ARHGEF7: variants seen among roughly 807,000 people sequenced by gnomAD.
ARHGEF7 encodes Rho guanine nucleotide exchange factor 7, also known as PAK-interacting exchange factor beta.
A neutral mutation model predicts 109.8 loss-of-function variants in ARHGEF7; 33 were observed. That is an observed-to-expected ratio of 0.30 (90% CI 0.23 to 0.40). The LOEUF is 0.40. ARHGEF7 is among the 10% of genes least tolerant of loss of function. The probability of loss-of-function intolerance (pLI) is 1.00; values close to 1 mark genes in which losing one functional copy is unlikely to be tolerated. For synonymous variants in ARHGEF7, 458 were observed against 424.6 expected, an observed-to-expected ratio of 1.08 and a Z score of -0.97; for missense variants, 938 against 1,098.5, an observed-to-expected ratio of 0.85 and a Z score of 2.07.
chr13:111,175,818 G>T (rs1228469252), intron 2 of ARHGEF7, among the ~76,000 whole-genome samples: 1 of 152,202 alleles, frequency 6.6e-6, no homozygotes, highest in Non-Finnish European at 1.5e-5. Flanking sequence ...AAGGAGAAAG[G>T]TTTAATTTAC....
intron 18 of ARHGEF7, among the ~76,000 whole-genome samples, chr13:111,289,778 C>T (rs557471110): frequency 9.8e-5 from 14 of 143,526 alleles, no homozygotes; most frequent in Non-Finnish European, 1.7e-4. Flanking sequence ...CACGGAATCT[C>T]GATTATCCAG....
At chr13:111,291,573 G>GT in intron 18 of ARHGEF7, among the ~76,000 whole-genome samples, 1 of 152,240 alleles carries the variant, frequency 6.6e-6, no homozygotes, top group Non-Finnish European at 1.5e-5. Flanking sequence ...CCACTCTCAG[G>GT]TTTATGGTCT....
chr13:111,131,416 G>T lies in ARHGEF7; in HGVS notation c.165+15725G>T, dbSNP rs1353075948. Among the ~76,000 whole-genome samples the T allele has an allele frequency of 6.6e-6, 1 of 152,196 alleles. No individual in the cohort carries two copies. The highest frequency in any genetic ancestry group is 1.5e-5 in the Non-Finnish European group (1 of 68,032). ...AGATCAGGAATGGATTCAGGGTTGG[G>T]TGTGTCGTTGGAGGCATCCGCATAG... On this transcript the variant is annotated intron_variant, in intron 1 of 21. Coordinates refer to ENST00000646102, the MANE Select transcript of ARHGEF7 (RefSeq NM_001354046.2). The surrounding 1 kb of genome is among the most constrained non-coding windows in gnomAD (Gnocchi z 4.4).
intron 2 of ARHGEF7, among the ~76,000 whole-genome samples, chr13:111,165,800 G>A (rs1005240730): frequency 2.0e-5 from 3 of 152,216 alleles, no homozygotes; most frequent in African/African-American, 7.2e-5. Flanking sequence ...ATAGAAACCA[G>A]AGTGGATGGC....
At chr13:111,209,769 T>G in intron 3 of ARHGEF7, 103 bp from the exon 4 acceptor site, 1 of 1,337,890 alleles carries the variant, frequency 7.5e-7, no homozygotes, top group Non-Finnish European at 1.0e-6. Flanking sequence ...GGTCTTTTGG[T>G]GTGTCCCTCT....
intron 1 of ARHGEF7, among the ~76,000 whole-genome samples, chr13:111,147,914 G>C (rs2075692104): frequency 1.3e-5 from 2 of 151,858 alleles, no homozygotes; most frequent in Non-Finnish European, 2.9e-5. Flanking sequence ...AGCCGGGATG[G>C]TCTCGATCTC....
Position 111,258,938 on chromosome 13 carries a change from G to C in ARHGEF7, c.951-8610G>C, listed in dbSNP as rs2090771095. 6.6e-6 allele frequency among the ~76,000 whole-genome samples: 1 copy of C among 152,162 alleles called. No individual in the cohort carries two copies. The highest frequency in any genetic ancestry group is 2.1e-4 in the South Asian group (1 of 4,812). On this transcript the variant is annotated intron_variant, in intron 8 of 21. Transcript: ENST00000646102. The surrounding 1 kb of genome is among the most constrained non-coding windows in gnomAD (Gnocchi z 4.4). ...CTTGAAGGAACATTAGCAATAAACA[G>C]GCAGTACTTGCTGCAGGCCCGGTGG...
At chr13:111,221,707 C>T (rs1324314836) in intron 5 of ARHGEF7, among the ~76,000 whole-genome samples, 1 of 102,338 alleles carries the variant, frequency 9.8e-6, no homozygotes, top group South Asian at 3.8e-4. Flanking sequence ...ATATATCTAT[C>T]TGTATCTATC....
At chr13:111,237,355 AT>A (rs1171781136) in intron 6 of ARHGEF7, among the ~76,000 whole-genome samples, 1 of 152,240 alleles carries the variant, frequency 6.6e-6, no homozygotes, top group Non-Finnish European at 1.5e-5. Context: ...CACCATAAAA[AT>A]TTTAATAGGC....
chr13:111,242,715 G>A (rs930617481), intron 6 of ARHGEF7, among the ~76,000 whole-genome samples: 1 of 152,200 alleles, frequency 6.6e-6, no homozygotes, highest in Non-Finnish European at 1.5e-5. Context: ...AGTGTGGTGC[G>A]GTGCAGTGGC....
intron 1 of ARHGEF7, among the ~76,000 whole-genome samples, chr13:111,142,310 G>A (rs1216334397): frequency 2.6e-5 from 1 of 38,344 alleles, no homozygotes; most frequent in East Asian, 7.6e-4. Context: ...AGTGAAATGG[G>A]GAGGTTTTAA....
At chr13:111,186,931 T>G (rs2079321118) in intron 2 of ARHGEF7, 2 of 985,516 alleles carry the variant, frequency 2.0e-6, no homozygotes, top group Admixed American at 6.1e-5. Flanking sequence ...TGGGGTCTAC[T>G]ACGTAGAGGT....
chr13:111,242,162 A>G (rs2087903217), intron 6 of ARHGEF7, among the ~76,000 whole-genome samples: 2 of 152,168 alleles, frequency 1.3e-5, no homozygotes, highest in African/African-American at 4.8e-5. Flanking sequence ...TCTCCCTTGA[A>G]TAGATCCCTT....
rs150924960 is a variant in ARHGEF7 at position 111,168,955 on chromosome 13, A to T, written c.252+14964A>T. On this transcript the variant is annotated intron_variant, in intron 2 of 21. Transcript: ENST00000646102. ...CTGTGCCAGAGAGGATGCAGACAGC[A>T]ACTCAGTATTCACAATTTGAAGCAG... Among the ~76,000 whole-genome samples, 919 of 152,340 alleles carry T rather than the reference A, an allele frequency of 6.0e-3. 10 individuals are homozygous for T. The highest frequency in any genetic ancestry group is 0.021 in the African/African-American group (875 of 41,568).
chr13:111,121,431 T>C (rs7333769), intron 1 of ARHGEF7, among the ~76,000 whole-genome samples: 3,077 of 152,342 alleles, frequency 0.02, 100 homozygotes, highest in African/African-American at 0.071. Flanking sequence ...TCAAGTACTA[T>C]GTACACACGA....
At chr13:111,278,862 A>C (rs924718741) in intron 13 of ARHGEF7, among the ~76,000 whole-genome samples, 2 of 152,188 alleles carry the variant, frequency 1.3e-5, no homozygotes, top group African/African-American at 4.8e-5. Flanking sequence ...GGCAGGCTTG[A>C]GTCTCTGCCT....
chr13:111,293,731 C>T (rs965884404), intron 19 of ARHGEF7: 2 of 985,288 alleles, frequency 2.0e-6, no homozygotes, highest in Admixed American at 6.1e-5. Context: ...TTTCCTTCTT[C>T]AGGGTGGCTG....
Position 111,136,048 on chromosome 13 carries a change from A to G in ARHGEF7, c.166-17857A>G, listed in dbSNP as rs965492930. On this transcript the variant is annotated intron_variant, in intron 1 of 21. Coordinates refer to ENST00000646102, the MANE Select transcript of ARHGEF7 (RefSeq NM_001354046.2). ...TGAAGGCCTTTTCTGCATCTATTGA[A>G]ATAATCATGTGGTTTTTGTCTTTGG... Among the ~76,000 whole-genome samples, 63 of 152,128 alleles carry G rather than the reference A, an allele frequency of 4.1e-4. 1 individual carries two copies. The highest frequency in any genetic ancestry group is 3.8e-3 in the Admixed American group (58 of 15,268).
chr13:111,221,523 CT>C (rs2084285408), intron 5 of ARHGEF7, among the ~76,000 whole-genome samples: 3 of 32,300 alleles, frequency 9.3e-5, no homozygotes, highest in South Asian at 1.6e-3. Flanking sequence ...AGATATATAT[CT>C]ATATATATCT....
Sources: gnomAD v4.1 joint callset for allele counts (sites outside exome capture counted in the v4.1 genomes callset) on GRCh38, gnomAD v4.1.1 for gene constraint, Gnocchi (gnomAD v3.1) non-coding constraint, MANE v1.5 for transcripts, NCBI Gene and HGNC (gene_info 2026-07-23, HGNC 2026-07-21) for gene names.